The following CSMD1 variants were observed in gnomAD, a reference collection of about 807,000 sequenced individuals.
CSMD1 encodes CUB and sushi domain-containing protein 1.
A neutral mutation model predicts 417.5 loss-of-function variants in CSMD1; 213 were observed. The ratio of observed to expected loss-of-function variants is 0.51; its 90% confidence interval spans 0.46 to 0.57. The LOEUF (loss-of-function observed/expected upper bound fraction) is 0.57. Ranked by LOEUF, CSMD1 falls within the 20% of genes least tolerant of loss-of-function variation. CSMD1 has a pLI of 0.00. For missense variants in CSMD1, 6,923 were observed against 4,529.7 expected (o/e 1.53, Z -15.17); for synonymous variants, 2,862 against 1,736.8 (o/e 1.65, Z -16.11).
chr8:3,461,956 A>T (rs1373098405), intron 12 of CSMD1, among the ~76,000 whole-genome samples: 1 of 152,188 alleles, frequency 6.6e-6, no homozygotes, highest in East Asian at 1.9e-4. Context: ...CATGGGCCGG[A>T]CAGGAGGGTG....
intron 7 of CSMD1, among the ~76,000 whole-genome samples, chr8:3,625,071 GTTTTT>G (rs11371258): frequency 6.7e-6 from 1 of 150,358 alleles, no homozygotes; most frequent in Non-Finnish European, 1.5e-5. Flanking sequence ...ATGCATAACA[GTTTTT>G]TTTTTATTTT....
chr8:4,613,083 G>A (rs1238114990), intron 2 of CSMD1, among the ~76,000 whole-genome samples: 1 of 152,044 alleles, frequency 6.6e-6, no homozygotes, highest in African/African-American at 2.4e-5. Flanking sequence ...CACTTTCCTA[G>A]GCTTGTCTTA....
chr8:4,602,272 A>T (rs887503084), intron 2 of CSMD1, among the ~76,000 whole-genome samples: 7 of 152,156 alleles, frequency 4.6e-5, no homozygotes, highest in African/African-American at 1.7e-4. Context: ...CTCTTACTAA[A>T]AAAGAGGAAG....
Position 3,406,211 on chromosome 8 carries a change from C to T in CSMD1, c.2082G>A (p.Gln694=). The T allele has an allele frequency of 6.2e-7, 1 of 1,603,870 alleles. No homozygotes were observed. Among genetic ancestry groups the T allele is most frequent in the African/African-American group, 1.3e-5 (1 of 74,612 alleles). The change falls in exon 15 of 70, where the codon CAG becomes CAA. Residue 694 remains glutamine (Q), a synonymous_variant. Transcript: ENST00000635120. Reference sequence around the variant, plus strand: ...GAATGCCAGGATCATGGCACTCATTCTGACCAAATGCTGAAAGAAAAAGAA... The same window carrying T: ...GAATGCCAGGATCATGGCACTCATTTTGACCAAATGCTGAAAGAAAAAGAA... The part of the protein sequence containing the change: ...GFNITYTTFG[Q]NECHDPGIPI...
intron 5 of CSMD1, among the ~76,000 whole-genome samples, chr8:3,992,685 G>A (rs899812542): frequency 6.6e-6 from 1 of 152,174 alleles, no homozygotes; most frequent in South Asian, 2.1e-4. Flanking sequence ...GAATGCTAAG[G>A]TGGAAGGATG....
chr8:3,480,317 G>C (rs578077610), intron 11 of CSMD1, among the ~76,000 whole-genome samples: 1 of 152,122 alleles, frequency 6.6e-6, no homozygotes, highest in African/African-American at 2.4e-5. Context: ...AGCACAGATC[G>C]TGCCACTGCA....
intron 2 of CSMD1, among the ~76,000 whole-genome samples, chr8:4,575,956 C>G (rs1286493848): frequency 1.3e-5 from 2 of 152,198 alleles, no homozygotes; most frequent in East Asian, 3.9e-4. Context: ...CCAAATCAAA[C>G]TCGTAAATCC....
At chr8:4,474,522 C>T (rs1800697156) in intron 2 of CSMD1, among the ~76,000 whole-genome samples, 1 of 152,178 alleles carries the variant, frequency 6.6e-6, no homozygotes, top group Non-Finnish European at 1.5e-5. Flanking sequence ...TTAGTACAAA[C>T]TTTGAGCAGA....
At chr8:3,379,175 G>T (rs887258347) in intron 18 of CSMD1, among the ~76,000 whole-genome samples, 1 of 152,118 alleles carries the variant, frequency 6.6e-6, no homozygotes, top group Non-Finnish European at 1.5e-5. Flanking sequence ...AAATGCTGAG[G>T]AATACAACTT....
chr8:3,300,631 G>C (rs1008561233), intron 25 of CSMD1, among the ~76,000 whole-genome samples: 9 of 151,974 alleles, frequency 5.9e-5, no homozygotes, highest in Admixed American at 2.6e-4. Context: ...TTACTTACAA[G>C]ACTACTTGTC....
chr8:3,957,624 C>T (rs1812045424), intron 5 of CSMD1, among the ~76,000 whole-genome samples: 1 of 151,548 alleles, frequency 6.6e-6, no homozygotes, highest in Admixed American at 6.6e-5. Context: ...TTCGGGGTTG[C>T]AGTGAACTAT....
At chr8:3,604,002 T>C (rs546356296) in intron 8 of CSMD1, among the ~76,000 whole-genome samples, 1 of 152,340 alleles carries the variant, frequency 6.6e-6, no homozygotes, top group South Asian at 2.1e-4. Flanking sequence ...TGAATCAATA[T>C]TTATTGTTGC....
chr8:4,013,870 G>C (rs1035949469), intron 4 of CSMD1, among the ~76,000 whole-genome samples: 4 of 152,158 alleles, frequency 2.6e-5, no homozygotes, highest in Admixed American at 2.0e-4. Context: ...AGCTAAAACA[G>C]AGATCATATG....
intron 41 of CSMD1, among the ~76,000 whole-genome samples, chr8:3,138,212 T>A (rs1818221788): frequency 6.6e-6 from 1 of 152,004 alleles, no homozygotes; most frequent in African/African-American, 2.4e-5. Context: ...GACAACAGAG[T>A]GGGATTCCCT....
chr8:4,475,074 C>T (rs1309858007), intron 2 of CSMD1, among the ~76,000 whole-genome samples: 1 of 152,054 alleles, frequency 6.6e-6, no homozygotes, highest in African/African-American at 2.4e-5. Flanking sequence ...CAAGGATTAA[C>T]TGTATTTATT....
chr8:4,291,377 T>C (rs1797352521), intron 3 of CSMD1, among the ~76,000 whole-genome samples: 1 of 152,162 alleles, frequency 6.6e-6, no homozygotes, highest in Admixed American at 6.6e-5. Context: ...TACAAATTTA[T>C]ACTTACAACC....
intron 3 of CSMD1, among the ~76,000 whole-genome samples, chr8:4,318,110 T>C (rs1799042510): frequency 6.6e-6 from 1 of 152,160 alleles, no homozygotes; most frequent in Non-Finnish European, 1.5e-5. Flanking sequence ...GCTGTACCCA[T>C]TCCAAAATTT....
chr8:4,978,244 A>G (rs1370212073), intron 1 of CSMD1, among the ~76,000 whole-genome samples: 1 of 152,184 alleles, frequency 6.6e-6, no homozygotes, highest in Non-Finnish European at 1.5e-5. Flanking sequence ...ATATAATTGC[A>G]GGTGTTCAAA....
At chr8:4,915,926 A>T (rs1806037272) in intron 1 of CSMD1, among the ~76,000 whole-genome samples, 1 of 152,184 alleles carries the variant, frequency 6.6e-6, no homozygotes, top group South Asian at 2.1e-4. Flanking sequence ...GGGAGTGGGT[A>T]TAAAACTGCA....
Sources: allele counts gnomAD v4.1 joint callset (sites outside exome capture counted in the v4.1 genomes callset), GRCh38; gene constraint gnomAD v4.1.1; transcripts MANE v1.5; gene names NCBI Gene and HGNC (gene_info 2026-07-23, HGNC 2026-07-21).